Variants in CASZ1 observed in about 807,000 individuals in gnomAD.
The protein encoded by CASZ1 is zinc finger protein castor homolog 1.
A neutral mutation model predicts 135.2 loss-of-function variants in CASZ1; 28 were observed. The ratio of observed to expected loss-of-function variants is 0.21; its 90% CI spans 0.15 to 0.28. CASZ1 has a LOEUF of 0.28. CASZ1 is among the 10% of genes least tolerant of loss of function. The pLI, the probability that CASZ1 is intolerant of heterozygous loss-of-function variation, is 1.00. For synonymous variants in CASZ1, 1,068 were observed against 1,073.4 expected, an observed-to-expected ratio of 0.99 and a Z score of 0.10; for missense variants, 2,161 against 2,453.3, an observed-to-expected ratio of 0.88 and a Z score of 2.52.
chr1:10,776,412 G>A lies in CASZ1; in HGVS notation c.-233-15555C>T, dbSNP rs1640662097. ...GGCGCTCACCCCGGGCATGGAGCCTGCCCCTTTCTCCACAGCTGCCTCTTG... is the reference window on the plus strand; with the variant it reads ...GGCGCTCACCCCGGGCATGGAGCCTACCCCTTTCTCCACAGCTGCCTCTTG... On this transcript the variant is annotated intron_variant, in intron 1 of 20. Coordinates refer to ENST00000377022, the MANE Select transcript of CASZ1 (RefSeq NM_001079843.3). This position sits in a 1 kb window ranked among gnomAD's most constrained non-coding sequence, Gnocchi z 4.1. 6.6e-6 allele frequency among the ~76,000 whole-genome samples: 1 copy of A among 152,232 alleles called. No homozygotes were observed. Among genetic ancestry groups the A allele is most frequent in the South Asian group, 2.1e-4 (1 of 4,826 alleles).
chr1:10,684,745 C>T (rs1638533289), intron 4 of CASZ1, among the ~76,000 whole-genome samples: 2 of 152,238 alleles, frequency 1.3e-5, no homozygotes, highest in South Asian at 4.1e-4. Flanking sequence ...CTCGCATCTG[C>T]TCCTGGGGGC....
At chr1:10,668,176 T>C (rs139591716) in intron 4 of CASZ1, among the ~76,000 whole-genome samples, 1,926 of 152,146 alleles carry the variant, frequency 0.013, 37 homozygotes, top group African/African-American at 0.044. Flanking sequence ...GGAACAGGGG[T>C]GCGTTGGAGC....
In CASZ1 at chr1:10,694,211, CCCCGT is replaced by C. The variant is rs1638861004; in HGVS notation, c.-23-304_-23-300del. ...GGGGATCCGCGAGGCCCAGGGGCGC[CCCCGT>C]CCCGCCGACCGCGCCCCGCGCCCGG... On this transcript the variant is annotated intron_variant, in intron 3 of 20. Coordinates refer to ENST00000377022, the MANE Select transcript of CASZ1 (RefSeq NM_001079843.3). This position sits in a 1 kb window ranked among gnomAD's most constrained non-coding sequence, Gnocchi z 6.6. The C allele has an allele frequency of 2.2e-6, 1 of 455,060 alleles. No individual in the cohort carries two copies. Among genetic ancestry groups the C allele is most frequent in the Non-Finnish European group, 2.9e-6 (1 of 345,574 alleles). The allele number at this position is 455,060 out of a possible 1,614,324, so 28.2% of individuals were successfully genotyped here.
rs1642875358 is a variant in CASZ1, at chr1:10,658,231, T to C, written c.1409+277A>G. ...CCCAGGCAAGCTGGGGGAGCTGCAC[T>C]CACCTGTGGCCAGGCCCTGCGTCGG... On this transcript the variant is annotated intron_variant, in intron 7 of 20. Coordinates refer to ENST00000377022, the MANE Select transcript of CASZ1 (RefSeq NM_001079843.3). 6.7e-6 allele frequency: 3 copies of C among 448,352 alleles called. No homozygotes were observed. In the Admixed American group the frequency reaches 1.0e-4, roughly 15 times the overall value. The allele number at this position is 448,352 out of a possible 1,614,324, so 27.8% of individuals were successfully genotyped here. A position where few individuals can be genotyped will look rare whatever the true frequency, so the allele number is the denominator to read the frequency against.
chr1:10,669,585 G>A (rs530007103), intron 4 of CASZ1, among the ~76,000 whole-genome samples: 6 of 152,328 alleles, frequency 3.9e-5, no homozygotes, highest in South Asian at 2.1e-4. Context: ...TGAGAGGGGC[G>A]TTCCTGTAGC....
intron 3 of CASZ1, among the ~76,000 whole-genome samples, chr1:10,703,591 G>A (rs1433135386): frequency 6.6e-6 from 1 of 152,092 alleles, no homozygotes; most frequent in African/African-American, 2.4e-5. Context: ...GAAGACCCAG[G>A]GCTGCCAGTC....
chr1:10,663,129 T>A (rs1291383284), intron 5 of CASZ1, among the ~76,000 whole-genome samples: 2 of 152,132 alleles, frequency 1.3e-5, no homozygotes, highest in African/African-American at 2.4e-5. Flanking sequence ...TGGGCACACT[T>A]GGGGCGGCAG....
At chr1:10,664,537 A>T (rs1643164139) in intron 5 of CASZ1, among the ~76,000 whole-genome samples, 1 of 151,976 alleles carries the variant, frequency 6.6e-6, no homozygotes, top group African/African-American at 2.4e-5. Context: ...TCCTGCTGGG[A>T]GGGCCAGGGA....
At chr1:10,672,117 G>C (rs1038237876) in intron 4 of CASZ1, among the ~76,000 whole-genome samples, 2 of 152,100 alleles carry the variant, frequency 1.3e-5, no homozygotes, top group Admixed American at 1.3e-4. Context: ...GGCCTCCCCG[G>C]CTCACCCGCC....
chr1:10,637,275 T>A lies in CASZ1; in HGVS notation c.*1667A>T, dbSNP rs1402395877. 1 of 152,258 alleles carries A rather than the reference T, an allele frequency of 6.6e-6. No homozygotes were observed. The highest frequency in any genetic ancestry group is 1.5e-5 in the Non-Finnish European group (1 of 67,970). The allele number at this position is 152,258 out of a possible 1,614,324, so 9.4% of individuals were successfully genotyped here. ...ACAGCAGCACGTGGTGCCCACAGAG[T>A]TCAGGAGGCTCTGGTAGGGGCTGTT... On this transcript the variant is annotated 3_prime_UTR_variant, in exon 21 of 21. Transcript: ENST00000377022.
rs1224199291 is a variant in CASZ1, at chr1:10,653,790, G to A, written c.2267C>T (p.Ala756Val). The change falls in exon 11 of 21, where the codon GCC becomes GTC. Residue 756 changes from alanine (A) to valine (V), a missense_variant. Coordinates refer to ENST00000377022, the MANE Select transcript of CASZ1 (RefSeq NM_001079843.3). Reference sequence around the variant, plus strand: ...GGCACTGGGCCCAGCCTCGGTGGCGGCAGTGGCGGCAGCCAGGGACGCAGA... The same window carrying A: ...GGCACTGGGCCCAGCCTCGGTGGCGACAGTGGCGGCAGCCAGGGACGCAGA... ...QSSASLAAAT[A>V]ATEAGPSATK... 1 of 1,609,764 alleles carries A rather than the reference G, an allele frequency of 6.2e-7. No individual in the cohort carries two copies. Among genetic ancestry groups the A allele is most frequent in the Non-Finnish European group, 8.5e-7 (1 of 1,177,778 alleles).
rs565581310 is a variant in CASZ1, at chr1:10,777,013, C to G, written c.-233-16156G>C. 9.9e-5 allele frequency among the ~76,000 whole-genome samples: 15 copies of G among 152,166 alleles called. No individual in the cohort carries two copies. The highest frequency in any genetic ancestry group is 1.8e-4 in the Non-Finnish European group (12 of 68,028). On this transcript the variant is annotated intron_variant, in intron 1 of 20. Transcript: ENST00000377022. This position sits in a 1 kb window ranked among gnomAD's most constrained non-coding sequence, Gnocchi z 4.4. ...TGGAACCGGCCAGCCTCACCCTGAGCCAGTGGGGAAGATGACCGTGTTTCC... is the reference window on the plus strand; with the variant it reads ...TGGAACCGGCCAGCCTCACCCTGAGGCAGTGGGGAAGATGACCGTGTTTCC...
In CASZ1 at chr1:10,701,833, C is replaced by T. The variant is rs1401570298; in HGVS notation, c.-24+3659G>A. On this transcript the variant is annotated intron_variant, in intron 3 of 20. Transcript: ENST00000377022. The surrounding 1 kb of genome is among the most constrained non-coding windows in gnomAD (Gnocchi z 6.3). ...GCTTTCCTGCCTCCTGCTGAACTAA[C>T]AGGTGCTCGTCCAGGAGCCGACCTG... 6.6e-6 allele frequency among the ~76,000 whole-genome samples: 1 copy of T among 152,150 alleles called. No individual in the cohort carries two copies. Among genetic ancestry groups the T allele is most frequent in the Non-Finnish European group, 1.5e-5 (1 of 68,012 alleles).
intron 10 of CASZ1, 31 bp from the exon 11 acceptor site, chr1:10,654,249 A>T: frequency 6.2e-7 from 1 of 1,606,006 alleles, no homozygotes; most frequent in Non-Finnish European, 8.5e-7. Flanking sequence ...CTGTCATGAG[A>T]CCCAGAGGAG....
Position 10,794,476 on chromosome 1 carries a change from T to C in CASZ1, c.-234+2088A>G, listed in dbSNP as rs1457688159. 9.3e-6 allele frequency among the ~76,000 whole-genome samples: 1 copy of C among 107,810 alleles called. No individual in the cohort carries two copies. Among genetic ancestry groups the C allele is most frequent in the African/African-American group, 4.8e-5 (1 of 20,782 alleles). The allele number at this position is 107,810 out of a possible 152,430, so 70.7% of individuals were successfully genotyped here. A position where few individuals can be genotyped will look rare whatever the true frequency, so the allele number is the denominator to read the frequency against. On this transcript the variant is annotated intron_variant, in intron 1 of 20. Coordinates refer to ENST00000377022, the MANE Select transcript of CASZ1 (RefSeq NM_001079843.3). This position sits in a 1 kb window ranked among gnomAD's most constrained non-coding sequence, Gnocchi z 5.6. ...CGCCCCGTGGCCCAGTGATCCAGGT[T>C]TGGGGGAGCTCCATACTCAGGAGAG...
chr1:10,688,086 C>T (rs1638651583), intron 4 of CASZ1, among the ~76,000 whole-genome samples: 1 of 152,156 alleles, frequency 6.6e-6, no homozygotes, highest in African/African-American at 2.4e-5. Context: ...GTACCAGGCC[C>T]GGGGAGGAGG....
rs190708048 is a variant in CASZ1 at position 10,636,885 on chromosome 1, T to C, written c.*2057A>G. On this transcript the variant is annotated 3_prime_UTR_variant, in exon 21 of 21. Coordinates refer to ENST00000377022, the MANE Select transcript of CASZ1 (RefSeq NM_001079843.3). ...ATATATGTATATACATATAGATATA[T>C]ACACACACATATGTGCATACATATT... 423 of 152,080 alleles carry C rather than the reference T, an allele frequency of 2.8e-3. 1 individual carries two copies. Among genetic ancestry groups the C allele is most frequent in the Non-Finnish European group, 5.2e-3 (355 of 67,946 alleles). 9.4% of individuals were successfully genotyped at this position (152,080 alleles called of 1,614,324 possible). A position where few individuals can be genotyped will look rare whatever the true frequency, so the allele number is the denominator to read the frequency against.
chr1:10,788,155 A>C lies in CASZ1; in HGVS notation c.-234+8409T>G, dbSNP rs994733905. 1.2e-4 allele frequency among the ~76,000 whole-genome samples: 19 copies of C among 152,162 alleles called. No individual in the cohort carries two copies. Among genetic ancestry groups the C allele is most frequent in the African/African-American group, 4.6e-4 (19 of 41,448 alleles). On this transcript the variant is annotated intron_variant, in intron 1 of 20. Coordinates refer to ENST00000377022, the MANE Select transcript of CASZ1 (RefSeq NM_001079843.3). The surrounding 1 kb of genome is among the most constrained non-coding windows in gnomAD (Gnocchi z 4.1). ...TATGTGCCCAAGAGCTCTGCCATTA[A>C]GGGGATGTATCCATTACTGTGGATA...
rs1199064198 is a variant in CASZ1 at position 10,657,331 on chromosome 1, AC to A, written c.1410-596del. ...TCCTCCAGGCCCCAGGGCCGCTGGG[AC>A]GTGGCTCCCACAGCCTCGGTGACGG... On this transcript the variant is annotated intron_variant, in intron 7 of 20. Transcript: ENST00000377022. This position sits in a 1 kb window ranked among gnomAD's most constrained non-coding sequence, Gnocchi z 5.7. 6.6e-6 allele frequency among the ~76,000 whole-genome samples: 1 copy of A among 152,178 alleles called. No individual in the cohort carries two copies.
Sources: allele counts gnomAD v4.1 joint callset (sites outside exome capture counted in the v4.1 genomes callset), GRCh38; gene constraint gnomAD v4.1.1; non-coding constraint Gnocchi (gnomAD v3.1); transcripts MANE v1.5; gene names NCBI Gene and HGNC (gene_info 2026-07-23, HGNC 2026-07-21).